PARN: variants seen among roughly 807,000 people sequenced by gnomAD.
PARN encodes poly(A)-specific ribonuclease PARN.
Under a neutral mutation model 102.8 loss-of-function variants are expected in PARN, and 71 were observed. The observed-to-expected ratio is 0.69, with a 90% CI of 0.57 to 0.84. The LOEUF (loss-of-function observed/expected upper bound fraction) is 0.84. Among genes scored for constraint, PARN ranks in the 40% least tolerant of loss-of-function variants. The pLI, the probability that PARN is intolerant of heterozygous loss-of-function variation, is 0.00. For synonymous variants in PARN, 261 were observed against 252.9 expected (o/e 1.03, Z -0.30); for missense variants, 782 against 760.9 (o/e 1.03, Z -0.33).
At chr16:14,519,637 T>C (rs761115176) in intron 21 of PARN, among the ~76,000 whole-genome samples, 2 of 152,054 alleles carry the variant, frequency 1.3e-5, no homozygotes, top group African/African-American at 4.8e-5. Context: ...ACTGGAGCAT[T>C]AGTAAGGGTC....
chr16:14,540,324 T>A (rs901046719), intron 21 of PARN, among the ~76,000 whole-genome samples: 2 of 152,220 alleles, frequency 1.3e-5, no homozygotes, highest in African/African-American at 2.4e-5. Flanking sequence ...AATATTCATT[T>A]TTTGGTTTTT....
chr16:14,579,121 G>C (rs1338196991), intron 18 of PARN, among the ~76,000 whole-genome samples: 1 of 151,918 alleles, frequency 6.6e-6, no homozygotes, highest in Admixed American at 6.6e-5. Flanking sequence ...CGAGTAGCTG[G>C]GAATACAGGC....
intron 21 of PARN, among the ~76,000 whole-genome samples, chr16:14,533,353 G>A (rs998256407): frequency 2.0e-5 from 3 of 151,650 alleles, no homozygotes; most frequent in Admixed American, 1.3e-4. Context: ...CGAGATGGCA[G>A]CAGTACAGTC....
chr16:14,480,202 G>A (rs547300609), intron 22 of PARN, among the ~76,000 whole-genome samples: 2 of 151,998 alleles, frequency 1.3e-5, no homozygotes, highest in Non-Finnish European at 2.9e-5. Flanking sequence ...GCGTGGTGGC[G>A]CACATCTGTA....
chr16:14,519,467 T>G lies in PARN; in HGVS notation c.1480+32554A>C, dbSNP rs145017691. On this transcript the variant is annotated intron_variant, in intron 21 of 23. Coordinates refer to ENST00000437198, the MANE Select transcript of PARN (RefSeq NM_002582.4). ...CCCAGAATGAGGTCTCGAAATGCCA[T>G]TTTCCTTGAAAGGAACCAGAGCTCT... is the stretch of plus-strand genomic sequence containing the variant. 3.2e-3 allele frequency among the ~76,000 whole-genome samples: 481 copies of G among 152,140 alleles called. 4 individuals are homozygous for G. The highest frequency in any genetic ancestry group is 0.011 in the African/African-American group (459 of 41,500).
At chr16:14,610,121 T>C (rs1596852687) in intron 7 of PARN, among the ~76,000 whole-genome samples, 1 of 152,330 alleles carries the variant, frequency 6.6e-6, no homozygotes, top group Non-Finnish European at 1.5e-5. Context: ...TAGTGACATG[T>C]AGCAAGTCCA....
chr16:14,473,776 A>T (rs904239917), intron 22 of PARN, among the ~76,000 whole-genome samples: 1 of 152,214 alleles, frequency 6.6e-6, no homozygotes, highest in Non-Finnish European at 1.5e-5. Context: ...AGCAGTGGAC[A>T]GTTGTGGGTC....
intron 22 of PARN, among the ~76,000 whole-genome samples, chr16:14,482,309 T>C (rs1336452984): frequency 3.3e-5 from 5 of 152,050 alleles, no homozygotes; most frequent in African/African-American, 1.2e-4. Context: ...GGAGGATCAC[T>C]TGAGCCCAGG....
intron 11 of PARN, among the ~76,000 whole-genome samples, chr16:14,603,727 C>T (rs1429418023): frequency 6.6e-6 from 1 of 152,234 alleles, no homozygotes; most frequent in African/African-American, 2.4e-5. Flanking sequence ...ATTCTTCACA[C>T]AGCAAGCAGG....
At chr16:14,461,498 G>A (rs997049435) in intron 22 of PARN, among the ~76,000 whole-genome samples, 1 of 152,176 alleles carries the variant, frequency 6.6e-6, no homozygotes, top group Non-Finnish European at 1.5e-5. Context: ...CGCTTTCAAT[G>A]TAGTGAAATA....
At position 14,573,951 on chromosome 16, in the gene PARN, G is replaced by A. The variant is rs116201945; in HGVS notation, c.1262+6923C>T. Among the ~76,000 whole-genome samples, 715 of 152,326 alleles carry A rather than the reference G, an allele frequency of 4.7e-3. 9 individuals are homozygous for A. Among genetic ancestry groups the A allele is most frequent in the African/African-American group, 0.016 (676 of 41,568 alleles). ...GACTAATACAGTAAATTGGTACTGG[G>A]GCGGGAGAGGGGGCTGCTGAAAAGC... On this transcript the variant is annotated intron_variant, in intron 18 of 23. Coordinates refer to ENST00000437198, the MANE Select transcript of PARN (RefSeq NM_002582.4).
chr16:14,614,060 C>T (rs578258409), intron 6 of PARN, among the ~76,000 whole-genome samples: 2 of 152,064 alleles, frequency 1.3e-5, no homozygotes, highest in Non-Finnish European at 2.9e-5. Flanking sequence ...AGTTTGAGAC[C>T]AGCCTGGACA....
In PARN at chr16:14,597,588, T is replaced by C. The variant is rs553596790; in HGVS notation, c.840+2316A>G. Among the ~76,000 whole-genome samples the C allele has an allele frequency of 7.2e-5, 11 of 151,978 alleles. No individual in the cohort carries two copies. The South Asian group carries it at 1.9e-3, about 26-fold the overall frequency. On this transcript the variant is annotated intron_variant, in intron 12 of 23. Coordinates refer to ENST00000437198, the MANE Select transcript of PARN (RefSeq NM_002582.4). ...GGCAGGCGCCTGTAGTCCCAGCTACTCAGGAGGCTGAGGCAGGAGAATGGC... is the reference window on the plus strand; with the variant it reads ...GGCAGGCGCCTGTAGTCCCAGCTACCCAGGAGGCTGAGGCAGGAGAATGGC...
chr16:14,556,275 C>T (rs554030501), intron 18 of PARN, among the ~76,000 whole-genome samples: 3 of 152,242 alleles, frequency 2.0e-5, no homozygotes, highest in Non-Finnish European at 4.4e-5. Context: ...TCACCCGCCT[C>T]AGCCTCCCGA....
intron 22 of PARN, among the ~76,000 whole-genome samples, chr16:14,451,869 C>CAAAAAAAAA (rs869041563): frequency 2.7e-4 from 14 of 52,496 alleles, no homozygotes; most frequent in East Asian, 9.8e-4. Context: ...AAAAAAAATA[C>CAAAAAAAAA]AAAAAAAAAA....
intron 22 of PARN, among the ~76,000 whole-genome samples, chr16:14,466,752 A>T (rs537261922): frequency 1.3e-5 from 2 of 152,360 alleles, no homozygotes; most frequent in African/African-American, 4.8e-5. Context: ...GAAATGACAC[A>T]AAAGAAAACA....
chr16:14,463,745 A>T (rs976100866), intron 22 of PARN, among the ~76,000 whole-genome samples: 12 of 151,604 alleles, frequency 7.9e-5, no homozygotes, highest in African/African-American at 2.9e-4. Context: ...AATATACATG[A>T]GTAATTGGAG....
chr16:14,603,876 C>A (rs989366241), intron 11 of PARN, among the ~76,000 whole-genome samples: 1 of 152,220 alleles, frequency 6.6e-6, no homozygotes, highest in Non-Finnish European at 1.5e-5. Context: ...CTCAGTGACA[C>A]AAGCTAAATG....
chr16:14,455,749 G>A (rs1348090458), intron 22 of PARN, among the ~76,000 whole-genome samples: 1 of 152,208 alleles, frequency 6.6e-6, no homozygotes, highest in Non-Finnish European at 1.5e-5. Context: ...GCAATATGGT[G>A]ACAGTGACAA....
Sources: gnomAD v4.1 joint callset for allele counts (sites outside exome capture counted in the v4.1 genomes callset) on GRCh38, gnomAD v4.1.1 for gene constraint, MANE v1.5 for transcripts, NCBI Gene and HGNC (gene_info 2026-07-23, HGNC 2026-07-21) for gene names.